ATP6V0A1: variants seen among roughly 807,000 people sequenced by gnomAD.
ATP6V0A1 encodes the protein ATPase H+ transporting V0 subunit a1.
In ATP6V0A1, 43 loss-of-function variants were observed where a neutral mutation model predicts 105.4. That is an observed-to-expected ratio of 0.41 (90% CI 0.32 to 0.53). ATP6V0A1 has a LOEUF of 0.53. Ranked by LOEUF, ATP6V0A1 falls within the 20% of genes least tolerant of loss-of-function variation. The probability of loss-of-function intolerance (pLI) is 0.30; values close to 1 mark genes in which losing one functional copy is unlikely to be tolerated. For missense variants in ATP6V0A1, 676 were observed against 1,051.1 expected (o/e 0.64, Z 4.93); for synonymous variants, 362 against 372.8 (o/e 0.97, Z 0.33).
intron 17 of ATP6V0A1, 180 bp from the exon 18 acceptor site, chr17:42,507,340 G>A (rs1407088049): frequency 1.9e-6 from 1 of 537,572 alleles, no homozygotes; most frequent in Non-Finnish European, 3.3e-6. Flanking sequence ...GGGCTGGGGA[G>A]GCGGTGGTTG....
intron 2 of ATP6V0A1, 74 bp from the exon 3 acceptor site, chr17:42,466,355 A>G (rs1314011706): frequency 6.8e-6 from 9 of 1,324,332 alleles, no homozygotes; most frequent in Non-Finnish European, 9.7e-6. Flanking sequence ...TTCGCTTTGC[A>G]GAATGTGTTG....
At position 42,498,996 on chromosome 17, in the gene ATP6V0A1, A is replaced by G. The variant is rs758085544; in HGVS notation, c.1633A>G (p.Ile545Val). Residue 545 changes from isoleucine (I) to valine (V), a missense_variant, in exon 15 of 22, where the codon ATC (isoleucine) becomes GTC (valine). Physicochemically the swap from Ile to Val is conservative, Grantham distance 29. Around this residue, in one of 3 missense-constraint regions of ATP6V0A1, gnomAD observed 435 missense variants for 642.2 expected, o/e 0.68. Transcript: ENST00000343619. Reference protein sequence around the residue: ...FKMKMSVILGIIHMLFGVSLS... With the variant: ...FKMKMSVILGVIHMLFGVSLS... ...GATGAAGATGTCTGTTATCCTTGGT[A>G]TCATCCATATGCTGTTTGGAGTCAG... The G allele has an allele frequency of 9.9e-6, 16 of 1,613,674 alleles. No homozygotes were observed. Among genetic ancestry groups the G allele is most frequent in the Non-Finnish European group, 1.2e-5 (14 of 1,179,710 alleles).
At chr17:42,496,679 A>G (rs2091213012) in intron 14 of ATP6V0A1, 1 of 152,156 alleles carries the variant, frequency 6.6e-6, no homozygotes, top group Admixed American at 6.6e-5. Flanking sequence ...CATCTCTACT[A>G]AAAATACAGA....
chr17:42,484,416 A>G (rs1307274468), intron 9 of ATP6V0A1, among the ~76,000 whole-genome samples: 1 of 152,174 alleles, frequency 6.6e-6, no homozygotes, highest in African/African-American at 2.4e-5. Context: ...ATATATATCA[A>G]ACAATCTAAA....
At chr17:42,474,511 T>A (rs2088462293) in intron 5 of ATP6V0A1, among the ~76,000 whole-genome samples, 1 of 152,182 alleles carries the variant, frequency 6.6e-6, no homozygotes, top group Non-Finnish European at 1.5e-5. Context: ...GCCAGGTTCC[T>A]TTCCATAGAC....
chr17:42,518,083 A>G (rs964599529), intron 21 of ATP6V0A1: 14 of 152,142 alleles, frequency 9.2e-5, no homozygotes, highest in African/African-American at 3.4e-4. Flanking sequence ...TACCTACCAT[A>G]ATTAGACATC....
chr17:42,511,827 G>A (rs2092359628), intron 19 of ATP6V0A1, among the ~76,000 whole-genome samples: 1 of 152,148 alleles, frequency 6.6e-6, no homozygotes, highest in African/African-American at 2.4e-5. Flanking sequence ...GCCGGGTGTG[G>A]TGGTGCGTGC....
rs748989367 is a variant in ATP6V0A1, at chr17:42,495,621, G to A, written c.1470-5G>A. ...AATAATGTGACTTTTTCCCTGTCAT[G>A]GTAGTGAAGAGACGCTTCGGGGGAA... On this transcript the variant is annotated splice_polypyrimidine_tract_variant and splice_region_variant and intron_variant, in intron 13 of 21. Coordinates refer to ENST00000343619, the MANE Select transcript of ATP6V0A1 (RefSeq NM_001130021.3). 6.2e-6 allele frequency: 10 copies of A among 1,607,066 alleles called. No individual in the cohort carries two copies. In the South Asian group the frequency reaches 7.7e-5, roughly 12 times the overall value.
At chr17:42,512,211 TGAG>T (rs2092376488) in intron 19 of ATP6V0A1, among the ~76,000 whole-genome samples, 2 of 152,176 alleles carry the variant, frequency 1.3e-5, no homozygotes, top group South Asian at 4.1e-4. Flanking sequence ...TTGCTTCTCC[TGAG>T]AACACCTGCA....
chr17:42,474,128 G>A (rs1242625090), intron 5 of ATP6V0A1, among the ~76,000 whole-genome samples: 3 of 151,378 alleles, frequency 2.0e-5, no homozygotes, highest in East Asian at 1.9e-4. Context: ...TCAGCCTCCC[G>A]AGCAGCTGTG....
chr17:42,520,325 T>C, intron 21 of ATP6V0A1: 1 of 413,450 alleles, frequency 2.4e-6, no homozygotes, highest in African/African-American at 2.1e-5. Flanking sequence ...CTCGCTCTGC[T>C]TATGGGACAG....
intron 14 of ATP6V0A1, among the ~76,000 whole-genome samples, chr17:42,498,175 G>T (rs2091359517): frequency 6.6e-6 from 1 of 152,098 alleles, no homozygotes; most frequent in Non-Finnish European, 1.5e-5. Flanking sequence ...GGTGGAAGTT[G>T]CAGTCAGCGA....
intron 15 of ATP6V0A1, among the ~76,000 whole-genome samples, chr17:42,500,199 G>T (rs2091555295): frequency 6.6e-6 from 1 of 151,862 alleles, no homozygotes; most frequent in South Asian, 2.1e-4. Flanking sequence ...AAAGTTTAAG[G>T]CCTGGCACAA....
intron 21 of ATP6V0A1, among the ~76,000 whole-genome samples, chr17:42,515,552 G>A (rs1403142286): frequency 1.3e-5 from 2 of 151,206 alleles, no homozygotes; most frequent in African/African-American, 4.9e-5. Context: ...TTGGGAGGCC[G>A]AGGCGGGTGG....
In ATP6V0A1 at chr17:42,507,570, G is replaced by A; in HGVS notation, c.2055G>A (p.Glu685=). The A allele has an allele frequency of 6.2e-7, 1 of 1,613,760 alleles. No homozygotes were observed. Residue 685 remains glutamate (E), a synonymous_variant, in exon 18 of 22, where the codon GAG becomes GAA. Transcript: ENST00000343619. ...GIRVGNGPTE[E]DAEIIQHDQL... The stretch of plus-strand genomic sequence containing the variant: ...GGGTGGGCAACGGACCGACAGAGGA[G>A]GATGCTGAGATTATTCAGCATGACC...
At chr17:42,461,099 A>G (rs2086343126) in intron 2 of ATP6V0A1, 88 bp downstream of exon 2, 1 of 1,134,248 alleles carries the variant, frequency 8.8e-7, no homozygotes, top group Middle Eastern at 2.0e-4. Flanking sequence ...TTTGTTTTTT[A>G]TTTGCAAAAA....
intron 18 of ATP6V0A1, 135 bp downstream of exon 18, chr17:42,507,762 C>T: frequency 1.3e-6 from 1 of 761,998 alleles, no homozygotes; most frequent in Non-Finnish European, 2.2e-6. Context: ...CCTTCTGGAC[C>T]TCTTAGGGCA....
In ATP6V0A1 at chr17:42,507,500, C is replaced by A; in HGVS notation, c.2005-20C>A. The A allele has an allele frequency of 1.9e-6, 3 of 1,572,862 alleles. No homozygotes were observed. Among genetic ancestry groups the A allele is most frequent in the Non-Finnish European group, 8.7e-7 (1 of 1,147,068 alleles). ...TGTTAAAGCCCAGGCAAATTCTACT[C>A]TTTCTGTTCATCTGTGTAGGGAACT... On this transcript the variant is annotated intron_variant, in intron 17 of 21. Coordinates refer to ENST00000343619, the MANE Select transcript of ATP6V0A1 (RefSeq NM_001130021.3).
intron 2 of ATP6V0A1, among the ~76,000 whole-genome samples, chr17:42,463,765 A>T (rs911349764): frequency 6.6e-6 from 1 of 152,124 alleles, no homozygotes; most frequent in Non-Finnish European, 1.5e-5. Context: ...ACTCCTCCAA[A>T]ACTTAACTAT....
Sources: gnomAD v4.1 joint callset for allele counts (sites outside exome capture counted in the v4.1 genomes callset) on GRCh38, gnomAD v4.1.1 for gene constraint, gnomAD v4.1.1 regional missense constraint, MANE v1.5 for transcripts, NCBI Gene and HGNC (gene_info 2026-07-23, HGNC 2026-07-21) for gene names.